Variants in CACNA2D1 observed in about 807,000 individuals in gnomAD.
CACNA2D1 encodes voltage-dependent calcium channel subunit alpha-2/delta-1.
Under a neutral mutation model 171.5 loss-of-function variants are expected in CACNA2D1, and 53 were observed. The ratio of observed to expected loss-of-function variants is 0.31; its 90% CI spans 0.25 to 0.39. CACNA2D1 has a LOEUF of 0.39. Among genes scored for constraint, CACNA2D1 ranks in the 10% least tolerant of loss-of-function variants. The pLI is 1.00. For synonymous variants in CACNA2D1, 442 were observed against 443.1 expected, an observed-to-expected ratio of 1.00 and a Z score of 0.03; for missense variants, 903 against 1,299.8, an observed-to-expected ratio of 0.69 and a Z score of 4.69.
intron 3 of CACNA2D1, among the ~76,000 whole-genome samples, chr7:82,321,838 G>A (rs1815934982): frequency 6.6e-6 from 1 of 152,134 alleles, no homozygotes; most frequent in Admixed American, 6.5e-5. Context: ...TAAAAAACAA[G>A]CTAAGTGGCC....
chr7:81,991,365 G>A (rs949763440), intron 20 of CACNA2D1, 119 bp from the exon 21 acceptor site: 54 of 649,662 alleles, frequency 8.3e-5, no homozygotes, highest in Non-Finnish European at 1.2e-4. Context: ...TCTTTACAAA[G>A]GTATGATCTA....
At chr7:82,339,373 T>C (rs1420257225) in intron 2 of CACNA2D1, among the ~76,000 whole-genome samples, 2 of 152,320 alleles carry the variant, frequency 1.3e-5, no homozygotes, top group Non-Finnish European at 1.5e-5. Context: ...TTTCCTTCCA[T>C]GGAAATTGTC....
intron 18 of CACNA2D1, among the ~76,000 whole-genome samples, chr7:81,998,863 T>G (rs2130810662): frequency 6.6e-6 from 1 of 152,270 alleles, no homozygotes; most frequent in South Asian, 2.1e-4. Flanking sequence ...TTCTAATTTC[T>G]TTGTTTAAAA....
At chr7:82,359,020 G>A (rs946512523) in intron 1 of CACNA2D1, among the ~76,000 whole-genome samples, 1 of 152,040 alleles carries the variant, frequency 6.6e-6, no homozygotes, top group Non-Finnish European at 1.5e-5. Flanking sequence ...CATGAGATTT[G>A]TTCCCTGAAG....
At chr7:82,185,330 A>G (rs1040393460) in intron 3 of CACNA2D1, among the ~76,000 whole-genome samples, 1 of 130,672 alleles carries the variant, frequency 7.7e-6, no homozygotes, top group East Asian at 2.6e-4. Context: ...AGATTGGAAC[A>G]TTAGGCCAAA....
At chr7:82,219,077 T>G (rs1801477050) in intron 3 of CACNA2D1, among the ~76,000 whole-genome samples, 3 of 152,136 alleles carry the variant, frequency 2.0e-5, no homozygotes, top group Admixed American at 6.5e-5. Flanking sequence ...TTAAAATTAA[T>G]TCACTTGTAC....
At chr7:82,358,828 ATCT>A (rs896734189) in intron 1 of CACNA2D1, among the ~76,000 whole-genome samples, 4 of 152,032 alleles carry the variant, frequency 2.6e-5, no homozygotes, top group African/African-American at 9.7e-5. Context: ...TTTTCATGAG[ATCT>A]TCTTTTCCAC....
rs139318624 is a variant in CACNA2D1 at position 82,026,921 on chromosome 7, T to G, written c.1143+5876A>C. On this transcript the variant is annotated intron_variant, in intron 12 of 38. Coordinates refer to ENST00000356860, the MANE Select transcript of CACNA2D1 (RefSeq NM_000722.4). The stretch of plus-strand genomic sequence containing the variant: ...TATAACTGAATTAAAGGTGGTTGTC[T>G]GCTATCATTTATACTCATTATTAGT... Among the ~76,000 whole-genome samples the G allele has an allele frequency of 7.6e-3, 1,147 of 151,876 alleles. 6 individuals are homozygous for G. Among genetic ancestry groups the G allele is most frequent in the Middle Eastern group, 0.054 (16 of 294 alleles).
chr7:82,428,816 A>T (rs1829425287), intron 1 of CACNA2D1, among the ~76,000 whole-genome samples: 2 of 152,310 alleles, frequency 1.3e-5, no homozygotes, highest in South Asian at 4.1e-4. Flanking sequence ...GCAGGGTTCA[A>T]CCTTGGGATT....
At chr7:81,964,450 T>C in intron 32 of CACNA2D1, 91 bp from the exon 33 acceptor site, 2 of 1,030,910 alleles carry the variant, frequency 1.9e-6, no homozygotes, top group Non-Finnish European at 1.5e-6. Context: ...AAAGAAATAA[T>C]ACAAAGAAAC....
chr7:81,980,204 A>AAAAG (rs1796313967), intron 24 of CACNA2D1, among the ~76,000 whole-genome samples: 1 of 147,690 alleles, frequency 6.8e-6, no homozygotes, highest in Non-Finnish European at 1.5e-5. Context: ...AAAAAAAGAA[A>AAAAG]GTGCATTTAG....
chr7:82,056,025 A>T (rs868829376), intron 10 of CACNA2D1, among the ~76,000 whole-genome samples: 8 of 144,552 alleles, frequency 5.5e-5, no homozygotes, highest in Admixed American at 6.9e-5. Flanking sequence ...AAAAAAAAAA[A>T]AAAAAAGGCC....
chr7:82,143,049 G>A (rs1253018290), intron 4 of CACNA2D1, among the ~76,000 whole-genome samples: 10 of 152,130 alleles, frequency 6.6e-5, no homozygotes, highest in African/African-American at 1.9e-4. Context: ...GTCTGTGGGT[G>A]TCAGTGGTGA....
chr7:81,959,355 C>A lies in CACNA2D1; in HGVS notation c.3079G>T (p.Asp1027Tyr). ...RLLIQAEQTS[D>Y]GPNPCDMVKQ... ...ACCATGTCACAAGGATTTGGACCGT[C>A]AGCTAAAAGAGACTTGTTAAGGAAT... The change falls in exon 38 of 39, where the codon GAC (aspartate) becomes TAC (tyrosine). Residue 1027 changes from aspartate to tyrosine, a missense_variant and splice_region_variant. Asp to Tyr is a radical substitution (Grantham distance 160). Coordinates refer to ENST00000356860, the MANE Select transcript of CACNA2D1 (RefSeq NM_000722.4). The A allele has an allele frequency of 6.2e-7, 1 of 1,603,220 alleles. No homozygotes were observed. Among genetic ancestry groups the A allele is most frequent in the South Asian group, 1.1e-5 (1 of 90,882 alleles).
At chr7:82,034,029 A>G (rs956595012) in intron 11 of CACNA2D1, among the ~76,000 whole-genome samples, 1 of 152,130 alleles carries the variant, frequency 6.6e-6, no homozygotes, top group African/African-American at 2.4e-5. Flanking sequence ...ATTAATCCTA[A>G]TAATATATTT....
chr7:82,225,217 C>T (rs1802227979), intron 3 of CACNA2D1, among the ~76,000 whole-genome samples: 1 of 152,132 alleles, frequency 6.6e-6, no homozygotes, highest in Admixed American at 6.6e-5. Flanking sequence ...TTAAATCACT[C>T]TGGATGCAGC....
intron 1 of CACNA2D1, among the ~76,000 whole-genome samples, chr7:82,368,537 A>T (rs78215295): frequency 6.6e-6 from 1 of 152,206 alleles, no homozygotes; most frequent in Non-Finnish European, 1.5e-5. Context: ...TTTACTTTAA[A>T]TTTTTGAGAC....
chr7:82,302,309 C>G (rs1813113563), intron 3 of CACNA2D1, among the ~76,000 whole-genome samples: 2 of 151,944 alleles, frequency 1.3e-5, no homozygotes, highest in South Asian at 4.1e-4. Context: ...TGTGAGAGAA[C>G]AAGTACATCC....
intron 3 of CACNA2D1, among the ~76,000 whole-genome samples, chr7:82,275,807 G>T (rs1809244384): frequency 1.3e-5 from 2 of 152,112 alleles, no homozygotes; most frequent in African/African-American, 4.8e-5. Flanking sequence ...TATTACATTT[G>T]CTCTTTGACA....
Sources: allele counts gnomAD v4.1 joint callset (sites outside exome capture counted in the v4.1 genomes callset), GRCh38; gene constraint gnomAD v4.1.1; transcripts MANE v1.5; gene names NCBI Gene and HGNC (gene_info 2026-07-23, HGNC 2026-07-21).